Variants in SIPA1L2 observed in about 807,000 individuals in gnomAD.
SIPA1L2 encodes the protein signal induced proliferation associated 1 like 2.
Under a neutral mutation model 163.9 loss-of-function variants are expected in SIPA1L2, and 56 were observed. The ratio of observed to expected loss-of-function variants is 0.34; its 90% CI spans 0.28 to 0.43. SIPA1L2 has a LOEUF of 0.43. Among genes scored for constraint, SIPA1L2 ranks in the 20% least tolerant of loss-of-function variants. The pLI is 1.00. For missense variants in SIPA1L2, 1,974 were observed against 2,193.5 expected (o/e 0.90, Z 2.00); for synonymous variants, 877 against 865.7 (o/e 1.01, Z -0.23).
intron 1 of SIPA1L2, among the ~76,000 whole-genome samples, chr1:232,586,389 C>T (rs952438418): frequency 6.6e-6 from 1 of 152,072 alleles, no homozygotes; most frequent in African/African-American, 2.4e-5. Flanking sequence ...TCATCATCGC[C>T]ACAGTTATTA....
intron 1 of SIPA1L2, among the ~76,000 whole-genome samples, chr1:232,612,016 T>C (rs965139551): frequency 3.3e-5 from 5 of 152,166 alleles, no homozygotes; most frequent in African/African-American, 1.2e-4. Context: ...TGTGTCCCTG[T>C]CACTCCAGCC....
rs112344422 is a variant in SIPA1L2, at chr1:232,412,127, G to C, written c.4762+3367C>G. On this transcript the variant is annotated intron_variant, in intron 19 of 22. Coordinates refer to ENST00000674635, the MANE Select transcript of SIPA1L2 (RefSeq NM_020808.5). ...TGCTCTAAATTGGTATAGTATAGTG[G>C]TATAGTAAAATCTAAATTCTTAAAC... Among the ~76,000 whole-genome samples, 496 of 152,262 alleles carry C rather than the reference G, an allele frequency of 3.3e-3. 4 individuals are homozygous for C. The highest frequency in any genetic ancestry group is 0.011 in the African/African-American group (463 of 41,560).
chr1:232,445,450 C>A, intron 11 of SIPA1L2, 79 bp downstream of exon 11: 1 of 1,589,144 alleles, frequency 6.3e-7, no homozygotes. Context: ...AGTGATTAAG[C>A]AAAACCCTCC....
chr1:232,477,036 G>C (rs1187088093), intron 7 of SIPA1L2, among the ~76,000 whole-genome samples: 1 of 152,154 alleles, frequency 6.6e-6, no homozygotes, highest in African/African-American at 2.4e-5. Context: ...GTGAGGGTGA[G>C]AGAAATGGAG....
intron 6 of SIPA1L2, 81 bp from the exon 7 acceptor site, chr1:232,479,811 A>C: frequency 9.3e-7 from 1 of 1,074,610 alleles, no homozygotes; most frequent in Non-Finnish European, 1.4e-6. Context: ...TACTGTTGCA[A>C]AAACAAAAAA....
chr1:232,524,150 G>A (rs986167231), intron 2 of SIPA1L2, among the ~76,000 whole-genome samples: 1 of 152,208 alleles, frequency 6.6e-6, no homozygotes, highest in Non-Finnish European at 1.5e-5. Context: ...GTAAATCAAC[G>A]TATTCAGTTC....
intron 1 of SIPA1L2, among the ~76,000 whole-genome samples, chr1:232,583,679 C>T (rs1484546277): frequency 6.6e-6 from 1 of 152,116 alleles, no homozygotes; most frequent in Non-Finnish European, 1.5e-5. Context: ...CAAGAATATT[C>T]TCTATTTTAA....
At chr1:232,418,172 T>C (rs1239376393) in intron 18 of SIPA1L2, among the ~76,000 whole-genome samples, 2 of 152,042 alleles carry the variant, frequency 1.3e-5, no homozygotes, top group Non-Finnish European at 2.9e-5. Context: ...AAGACCACTA[T>C]ACAACAAGAT....
intron 3 of SIPA1L2, among the ~76,000 whole-genome samples, chr1:232,494,771 T>C (rs915738934): frequency 5.3e-5 from 8 of 152,244 alleles, no homozygotes; most frequent in Admixed American, 4.6e-4. Context: ...CTTAAAAATT[T>C]ATCTATTTTT....
chr1:232,437,005 A>G (rs938801672), intron 15 of SIPA1L2, among the ~76,000 whole-genome samples: 2 of 152,200 alleles, frequency 1.3e-5, no homozygotes, highest in African/African-American at 4.8e-5. Flanking sequence ...GAGTGGCGGA[A>G]GAAAGTAAAA....
chr1:232,611,770 T>C (rs1375622826), intron 1 of SIPA1L2, among the ~76,000 whole-genome samples: 1 of 152,078 alleles, frequency 6.6e-6, no homozygotes, highest in Admixed American at 6.5e-5. Context: ...AGCCGGACAA[T>C]GTGACAGAAA....
intron 2 of SIPA1L2, among the ~76,000 whole-genome samples, chr1:232,563,878 C>G (rs558952110): frequency 6.6e-6 from 1 of 151,464 alleles, no homozygotes; most frequent in African/African-American, 2.4e-5. Flanking sequence ...CCATGCCCAG[C>G]TAATTTTTGT....
At chr1:232,560,619 T>C (rs1658976057) in intron 2 of SIPA1L2, among the ~76,000 whole-genome samples, 1 of 152,186 alleles carries the variant, frequency 6.6e-6, no homozygotes, top group South Asian at 2.1e-4. Context: ...CTGCCTCCTC[T>C]GCATGTGGGA....
At chr1:232,619,063 G>T (rs2102886251) in intron 1 of SIPA1L2, among the ~76,000 whole-genome samples, 1 of 152,240 alleles carries the variant, frequency 6.6e-6, no homozygotes, top group East Asian at 1.9e-4. Flanking sequence ...CCTAAACCAG[G>T]CAAAAAGATG....
intron 1 of SIPA1L2, among the ~76,000 whole-genome samples, chr1:232,611,182 G>A (rs1291870689): frequency 2.6e-5 from 4 of 152,100 alleles, no homozygotes; most frequent in African/African-American, 4.8e-5. Context: ...TTTGCCTCCC[G>A]CCATGATTCT....
chr1:232,428,877 A>G (rs1442100023), intron 16 of SIPA1L2, among the ~76,000 whole-genome samples: 2 of 152,190 alleles, frequency 1.3e-5, no homozygotes, highest in Non-Finnish European at 2.9e-5. Flanking sequence ...TGTGTCAGAA[A>G]ACACAGTTTC....
At chr1:232,447,198 A>C (rs1341055743) in intron 10 of SIPA1L2, among the ~76,000 whole-genome samples, 1 of 152,222 alleles carries the variant, frequency 6.6e-6, no homozygotes, top group East Asian at 1.9e-4. Context: ...TGGAGATATA[A>C]AGTTAAAATA....
intron 1 of SIPA1L2, among the ~76,000 whole-genome samples, chr1:232,606,962 C>A (rs1275492156): frequency 6.6e-6 from 1 of 151,896 alleles, no homozygotes; most frequent in African/African-American, 2.4e-5. Context: ...TAAATATTTG[C>A]TAATTACTTG....
intron 10 of SIPA1L2, among the ~76,000 whole-genome samples, chr1:232,447,711 TG>T (rs1663300147): frequency 6.6e-6 from 1 of 152,244 alleles, no homozygotes; most frequent in Admixed American, 6.5e-5. Context: ...TGGATATTGC[TG>T]TTAGGCATGT....
Sources: gnomAD v4.1 joint callset for allele counts (sites outside exome capture counted in the v4.1 genomes callset) on GRCh38, gnomAD v4.1.1 for gene constraint, MANE v1.5 for transcripts, NCBI Gene and HGNC (gene_info 2026-07-23, HGNC 2026-07-21) for gene names.